RPGRIP1: variants seen among roughly 807,000 people sequenced by gnomAD.
RPGRIP1 encodes RPGR interacting protein 1.
Under a neutral mutation model 157.9 loss-of-function variants are expected in RPGRIP1, and 128 were observed. That is an observed-to-expected ratio of 0.81 (90% CI 0.70 to 0.94). The LOEUF (loss-of-function observed/expected upper bound fraction) is 0.94. Ranked by LOEUF, RPGRIP1 falls within the 40% of genes least tolerant of loss-of-function variation. RPGRIP1 has a pLI of 0.00. For missense variants in RPGRIP1, 1,486 were observed against 1,545.8 expected (o/e 0.96, Z 0.65); for synonymous variants, 554 against 571.6 (o/e 0.97, Z 0.44).
At chr14:21,282,925 C>T (rs35028046) in intron 1 of RPGRIP1, among the ~76,000 whole-genome samples, 39,814 of 151,980 alleles carry the variant, frequency 0.26, 5,642 homozygotes, top group Admixed American at 0.32. Context: ...TCCACTTTTT[C>T]ATTCCTGAGA....
Position 21,326,117 on chromosome 14 carries a change from ATC to A in RPGRIP1, c.2656_2657del (p.Leu886TrpfsTer14). The A allele has an allele frequency of 6.2e-7, 1 of 1,605,370 alleles. No homozygotes were observed. ...GATGAAGACTTAGAGCCTGGCTCGT[ATC>A]TTGGCCGAGCCCGAGTGCCTTTACT... On this transcript the variant is annotated frameshift_variant, in exon 17 of 25. Coordinates refer to ENST00000400017, the MANE Select transcript of RPGRIP1 (RefSeq NM_020366.4). LOFTEE classifies it high-confidence loss of function.
intron 20 of RPGRIP1, 52 bp downstream of exon 20, chr14:21,330,439 T>A: frequency 1.5e-6 from 2 of 1,290,610 alleles, no homozygotes; most frequent in South Asian, 4.3e-5. Flanking sequence ...GAGGCCGAGG[T>A]GGGCAGATCA....
chr14:21,284,868 A>T (rs1328296908), intron 1 of RPGRIP1, among the ~76,000 whole-genome samples: 1 of 152,072 alleles, frequency 6.6e-6, no homozygotes, highest in Non-Finnish European at 1.5e-5. Flanking sequence ...TAAATTTTGG[A>T]GACAAAACTG....
intron 7 of RPGRIP1, among the ~76,000 whole-genome samples, chr14:21,308,976 A>C (rs1198679502): frequency 6.6e-6 from 1 of 152,194 alleles, no homozygotes; most frequent in East Asian, 1.9e-4. Context: ...TGCCAGGTAC[A>C]GGTCGGGGAA....
intron 2 of RPGRIP1, among the ~76,000 whole-genome samples, chr14:21,289,087 G>C (rs551635439): frequency 2.2e-4 from 33 of 152,174 alleles, no homozygotes; most frequent in Middle Eastern, 3.4e-3. Flanking sequence ...CAGCATTTTG[G>C]GAGGCCGAGA....
chr14:21,282,605 A>AT (rs35939351), intron 1 of RPGRIP1, among the ~76,000 whole-genome samples: 3,510 of 103,258 alleles, frequency 0.034, 244 homozygotes, highest in African/African-American at 0.091. Flanking sequence ...TCTACATTCC[A>AT]TTTTTTTTTT....
At chr14:21,330,871 TG>T (rs1302212952) in intron 20 of RPGRIP1, among the ~76,000 whole-genome samples, 2 of 151,934 alleles carry the variant, frequency 1.3e-5, no homozygotes, top group Non-Finnish European at 2.9e-5. Flanking sequence ...ACTTTCTCAG[TG>T]TTTATAAAAT....
At chr14:21,285,461 C>T (rs894937059) in intron 1 of RPGRIP1, among the ~76,000 whole-genome samples, 3 of 151,730 alleles carry the variant, frequency 2.0e-5, no homozygotes, top group Non-Finnish European at 2.9e-5. Flanking sequence ...AAAAATTAGC[C>T]GGGCATGGTG....
intron 3 of RPGRIP1, among the ~76,000 whole-genome samples, chr14:21,297,647 C>T (rs1485061393): frequency 2.0e-5 from 3 of 152,084 alleles, no homozygotes; most frequent in Non-Finnish European, 4.4e-5. Flanking sequence ...TTATTCATTA[C>T]AGCTAGAGAA....
chr14:21,323,212 A>G (rs532335004), intron 14 of RPGRIP1, among the ~76,000 whole-genome samples: 39 of 152,204 alleles, frequency 2.6e-4, no homozygotes, highest in Non-Finnish European at 4.1e-4. Context: ...GCCTGAGGTC[A>G]GGAGTTCGAG....
chr14:21,282,206 C>A (rs1381840223), intron 1 of RPGRIP1, among the ~76,000 whole-genome samples: 1 of 152,158 alleles, frequency 6.6e-6, no homozygotes, highest in Non-Finnish European at 1.5e-5. Flanking sequence ...TATACTTGTC[C>A]AAGTGCACTG....
chr14:21,349,957 T>TA (rs1300361449), intron 24 of RPGRIP1, among the ~76,000 whole-genome samples: 1 of 152,164 alleles, frequency 6.6e-6, no homozygotes, highest in Non-Finnish European at 1.5e-5. Context: ...TTCAGACACT[T>TA]AAGATTATCC....
chr14:21,328,297 A>C, intron 18 of RPGRIP1, 127 bp from the exon 19 acceptor site: 1 of 677,336 alleles, frequency 1.5e-6, no homozygotes, highest in Admixed American at 3.0e-5. Context: ...GAAAAGAGAG[A>C]GAAATAGCAT....
chr14:21,324,850 T>C lies in RPGRIP1; in HGVS notation c.1995T>C (p.Cys665=), dbSNP rs1225223445. 2.5e-6 allele frequency: 4 copies of C among 1,613,802 alleles called. No homozygotes were observed. The highest frequency in any genetic ancestry group is 3.4e-6 in the Non-Finnish European group (4 of 1,179,770). The change falls in exon 15 of 25, where the codon TGT becomes TGC. Residue 665 remains cysteine, a synonymous_variant. Transcript: ENST00000400017. ...TYSFYDFETH[C]TPLSVGPQPL... The stretch of plus-strand genomic sequence containing the variant: ...CCTTCTATGACTTTGAAACCCACTG[T>C]ACCCCATTATCTGTGGGGCCACAGC...
At chr14:21,280,299 A>G in intron 1 of RPGRIP1, among the ~76,000 whole-genome samples, 140 bp downstream of exon 1, 1 of 137,102 alleles carries the variant, frequency 7.3e-6, no homozygotes, top group South Asian at 2.3e-4. Context: ...GCTGGAGTGC[A>G]CCGGCACTAT....
At chr14:21,301,951 T>C (rs1278836541) in intron 4 of RPGRIP1, among the ~76,000 whole-genome samples, 1 of 152,026 alleles carries the variant, frequency 6.6e-6, no homozygotes, top group Non-Finnish European at 1.5e-5. Flanking sequence ...CTCATTCTCA[T>C]GGCCCTAAAT....
chr14:21,340,166 G>A (rs1254436920), intron 21 of RPGRIP1, among the ~76,000 whole-genome samples: 3 of 152,194 alleles, frequency 2.0e-5, no homozygotes, highest in African/African-American at 7.2e-5. Context: ...TACCTGAGGA[G>A]TGGGAAATCA....
At chr14:21,297,434 T>C (rs769270882) in intron 3 of RPGRIP1, among the ~76,000 whole-genome samples, 1 of 152,078 alleles carries the variant, frequency 6.6e-6, no homozygotes, top group Non-Finnish European at 1.5e-5. Context: ...TATTATTATA[T>C]ACAGTGATCT....
chr14:21,333,093 T>C (rs992116440), intron 20 of RPGRIP1, among the ~76,000 whole-genome samples: 6 of 152,158 alleles, frequency 3.9e-5, no homozygotes, highest in African/African-American at 7.2e-5. Context: ...AGAGCAATGC[T>C]TCATTTCAAA....
Sources: allele counts gnomAD v4.1 joint callset (sites outside exome capture counted in the v4.1 genomes callset), GRCh38; gene constraint gnomAD v4.1.1; transcripts MANE v1.5; gene names NCBI Gene and HGNC (gene_info 2026-07-23, HGNC 2026-07-21).